LPP: variants seen among roughly 807,000 people sequenced by gnomAD.
The protein encoded by LPP is lipoma-preferred partner.
LPP carries 38 observed loss-of-function variants against 60.4 expected under a neutral mutation model. The observed-to-expected ratio is 0.63, with a 90% CI of 0.49 to 0.83. LPP has a LOEUF of 0.83. LPP is among the 40% of genes least tolerant of loss of function. The pLI, the probability that LPP is intolerant of heterozygous loss-of-function variation, is 0.00. For synonymous variants in LPP, 328 were observed against 290.8 expected (o/e 1.13, Z -1.30); for missense variants, 902 against 783.6 (o/e 1.15, Z -1.80).
At position 188,889,324 on chromosome 3, in the gene LPP, G is replaced by T; in HGVS notation, c.*14845G>T. The T allele has an allele frequency of 4.3e-6, 1 of 231,850 alleles. No homozygotes were observed. Among genetic ancestry groups the T allele is most frequent in the Non-Finnish European group, 8.5e-6 (1 of 117,118 alleles). 14.4% of individuals were successfully genotyped at this position (231,850 alleles called of 1,614,324 possible). ...TACCCAGAGGTGGCAATAGGAGAGG[G>T]TCCATGTAAATAGGACGAGGTAGAC... On this transcript the variant is annotated 3_prime_UTR_variant, in exon 12 of 12. Transcript: ENST00000617246.
intron 9 of LPP, among the ~76,000 whole-genome samples, chr3:188,862,729 A>AAAAAAAAAAAAAAAAAAAAAAAAAAAAC (rs1765528732): frequency 9.0e-6 from 1 of 110,766 alleles, no homozygotes; most frequent in African/African-American, 3.1e-5. Context: ...ATAAATAAAT[A>AAAAAAAAAAAAAAAAAAAAAAAAAAAAC]AATAAATAAA....
chr3:188,459,955 A>C (rs1798620966), intron 4 of LPP, among the ~76,000 whole-genome samples: 1 of 152,144 alleles, frequency 6.6e-6, no homozygotes, highest in Non-Finnish European at 1.5e-5. Context: ...AAAATTGGAA[A>C]TATCTACCTT....
intron 2 of LPP, among the ~76,000 whole-genome samples, chr3:188,332,339 C>G (rs996580333): frequency 6.6e-6 from 1 of 152,142 alleles, no homozygotes; most frequent in Non-Finnish European, 1.5e-5. Context: ...CACTTAACTC[C>G]TCGCTAAATG....
At chr3:188,833,426 G>C (rs1757579294) in intron 9 of LPP, among the ~76,000 whole-genome samples, 1 of 152,214 alleles carries the variant, frequency 6.6e-6, no homozygotes, top group Non-Finnish European at 1.5e-5. Context: ...AGACAGAGTT[G>C]AAACTTGAAT....
chr3:188,550,397 T>C (rs928036227), intron 6 of LPP, among the ~76,000 whole-genome samples: 35 of 151,728 alleles, frequency 2.3e-4, no homozygotes, highest in Admixed American at 2.0e-3. Flanking sequence ...GCTAACATGG[T>C]GAAACCCCGT....
chr3:188,652,161 C>G (rs1330537043), intron 7 of LPP, among the ~76,000 whole-genome samples: 1 of 152,116 alleles, frequency 6.6e-6, no homozygotes, highest in Non-Finnish European at 1.5e-5. Flanking sequence ...TTTTCCTGCA[C>G]TGGAGCAACC....
intron 4 of LPP, among the ~76,000 whole-genome samples, chr3:188,473,297 A>G (rs185499989): frequency 7.3e-4 from 111 of 152,306 alleles, no homozygotes; most frequent in South Asian, 1.7e-3. Flanking sequence ...CTTCTAATAC[A>G]TAAACCTTAT....
At chr3:188,689,463 C>T (rs1861615201) in intron 7 of LPP, among the ~76,000 whole-genome samples, 1 of 152,206 alleles carries the variant, frequency 6.6e-6, no homozygotes, top group Non-Finnish European at 1.5e-5. Context: ...TGGAGTCCTT[C>T]TCACAGTGGC....
chr3:188,162,324 A>G lies in LPP; in HGVS notation c.-190+8072A>G, dbSNP rs1718529057. 2.6e-5 allele frequency among the ~76,000 whole-genome samples: 4 copies of G among 152,326 alleles called. 1 individual carries two copies. In the South Asian group the frequency reaches 8.3e-4, roughly 32 times the overall value. On this transcript the variant is annotated intron_variant, in intron 1 of 11. Transcript: ENST00000617246. ...TGGGGTGCAGGGCCTTAAGTGGCAG[A>G]GTGAGAATCAAACCCCCCTCTCCAA...
intron 5 of LPP, among the ~76,000 whole-genome samples, chr3:188,517,224 G>A (rs1476173457): frequency 6.6e-6 from 1 of 152,096 alleles, no homozygotes; most frequent in East Asian, 1.9e-4. Flanking sequence ...GGAGATACAG[G>A]TATTACAGCC....
intron 5 of LPP, among the ~76,000 whole-genome samples, chr3:188,513,844 C>T (rs562853925): frequency 1.3e-5 from 2 of 152,162 alleles, no homozygotes; most frequent in Admixed American, 6.5e-5. Flanking sequence ...GGCTTAAACT[C>T]GGAGTTGGCC....
intron 9 of LPP, among the ~76,000 whole-genome samples, chr3:188,787,436 A>G (rs1577553048): frequency 6.6e-6 from 1 of 152,150 alleles, no homozygotes; most frequent in Admixed American, 6.5e-5. Flanking sequence ...ACACACGCAC[A>G]CACACACATA....
intron 7 of LPP, among the ~76,000 whole-genome samples, chr3:188,616,199 G>A (rs774838678): frequency 5.9e-5 from 9 of 152,086 alleles, no homozygotes; most frequent in Admixed American, 2.0e-4. Flanking sequence ...TTCTCCTAGG[G>A]TTTTTATGCT....
chr3:188,250,845 TTCTCTTTC>T (rs1057101082), intron 2 of LPP, among the ~76,000 whole-genome samples: 2 of 149,994 alleles, frequency 1.3e-5, no homozygotes, highest in African/African-American at 4.9e-5. Context: ...TCTTTTCTTT[TTCTCTTTC>T]TCTCTTTCTT....
intron 1 of LPP, among the ~76,000 whole-genome samples, chr3:188,161,160 G>C (rs1024258367): frequency 1.3e-5 from 2 of 152,160 alleles, no homozygotes; most frequent in African/African-American, 2.4e-5. Context: ...AGGTGGGAGG[G>C]AGCAGGAAGG....
intron 2 of LPP, among the ~76,000 whole-genome samples, chr3:188,285,774 G>A (rs892836392): frequency 1.3e-5 from 2 of 152,150 alleles, no homozygotes; most frequent in African/African-American, 4.8e-5. Context: ...CAACAGCTGT[G>A]CATTAAGTAT....
At chr3:188,575,647 T>C (rs1834448659) in intron 6 of LPP, among the ~76,000 whole-genome samples, 1 of 152,178 alleles carries the variant, frequency 6.6e-6, no homozygotes, top group Non-Finnish European at 1.5e-5. Context: ...CCTTAGTCTT[T>C]GTGCTACTAG....
At chr3:188,772,531 G>A (rs1345743638) in intron 9 of LPP, among the ~76,000 whole-genome samples, 1 of 151,744 alleles carries the variant, frequency 6.6e-6, no homozygotes, top group Non-Finnish European at 1.5e-5. Flanking sequence ...GTCTCACTCT[G>A]TAGCCCAGGC....
intron 2 of LPP, among the ~76,000 whole-genome samples, chr3:188,275,587 C>T (rs1739347767): frequency 6.6e-6 from 1 of 152,166 alleles, no homozygotes; most frequent in Non-Finnish European, 1.5e-5. Flanking sequence ...TTCTTGGTAA[C>T]TTTAAATGAT....
Sources: allele counts gnomAD v4.1 joint callset (sites outside exome capture counted in the v4.1 genomes callset), GRCh38; gene constraint gnomAD v4.1.1; transcripts MANE v1.5; gene names NCBI Gene and HGNC (gene_info 2026-07-23, HGNC 2026-07-21).